FER1L6: variants seen among roughly 807,000 people sequenced by gnomAD.
The protein encoded by FER1L6 is fer-1-like protein 6.
A neutral mutation model predicts 219.2 loss-of-function variants in FER1L6; 177 were observed. The ratio of observed to expected loss-of-function variants is 0.81; its 90% CI spans 0.71 to 0.91. FER1L6 has a LOEUF of 0.91. Ranked by LOEUF, FER1L6 falls within the 40% of genes least tolerant of loss-of-function variation. The probability of loss-of-function intolerance (pLI) is 0.00; values close to 1 mark genes in which losing one functional copy is unlikely to be tolerated. For synonymous variants in FER1L6, 768 were observed against 824.3 expected, an observed-to-expected ratio of 0.93 and a Z score of 1.17; for missense variants, 2,153 against 2,259.9, an observed-to-expected ratio of 0.95 and a Z score of 0.96.
intron 31 of FER1L6, 23 bp from the exon 32 acceptor site, chr8:124,076,175 G>A (rs1821279641): frequency 6.2e-7 from 1 of 1,613,166 alleles, no homozygotes; most frequent in African/African-American, 1.3e-5. Context: ...TTGAACCAAA[G>A]ACATTTTCTT....
intron 1 of FER1L6, among the ~76,000 whole-genome samples, chr8:123,872,372 C>T (rs1036439176): frequency 6.6e-6 from 1 of 152,122 alleles, no homozygotes; most frequent in Non-Finnish European, 1.5e-5. Flanking sequence ...GGAACTTCTA[C>T]AACACACCTG....
At chr8:124,114,757 T>C (rs1823163518) in intron 39 of FER1L6, among the ~76,000 whole-genome samples, 1 of 151,788 alleles carries the variant, frequency 6.6e-6, no homozygotes, top group South Asian at 2.1e-4. Context: ...GTTGTATGCA[T>C]GTATATATTT....
At chr8:123,987,249 T>C (rs1816628169) in intron 12 of FER1L6, among the ~76,000 whole-genome samples, 2 of 152,200 alleles carry the variant, frequency 1.3e-5, no homozygotes, top group South Asian at 4.1e-4. Context: ...GAAGTTTGAT[T>C]TATGTTTCTC....
rs1818548746 is a variant in FER1L6, at chr8:124,023,389, T to C, written c.2134-55T>C. The C allele has an allele frequency of 2.5e-6, 4 of 1,572,182 alleles. No homozygotes were observed. In the Admixed American group the frequency reaches 5.1e-5, roughly 20 times the overall value. ...GAACTCTGCAAGTGCCTTTGTTCAA[T>C]GCCAACCTTTCAAATCCCATTCCTA... On this transcript the variant is annotated intron_variant, in intron 17 of 40. Coordinates refer to ENST00000522917, the MANE Select transcript of FER1L6 (RefSeq NM_001039112.2).
chr8:124,107,809 T>G (rs1432612068), intron 39 of FER1L6, among the ~76,000 whole-genome samples: 6 of 152,154 alleles, frequency 3.9e-5, no homozygotes, highest in Non-Finnish European at 8.8e-5. Context: ...TTTGGTCTCA[T>G]GAGGGAAGAA....
intron 1 of FER1L6, among the ~76,000 whole-genome samples, chr8:123,866,426 A>G (rs111643460): frequency 6.6e-5 from 10 of 152,054 alleles, no homozygotes; most frequent in Admixed American, 5.9e-4. Context: ...TAACTTAGCT[A>G]TTGTGAATAA....
At chr8:123,878,193 G>A (rs981354853) in intron 1 of FER1L6, among the ~76,000 whole-genome samples, 1 of 152,156 alleles carries the variant, frequency 6.6e-6, no homozygotes, top group Non-Finnish European at 1.5e-5. Flanking sequence ...GCAGGCCAGA[G>A]GAGAGGCAGG....
chr8:123,975,333 C>T, intron 8 of FER1L6, 27 bp downstream of exon 8: 1 of 1,572,848 alleles, frequency 6.4e-7, no homozygotes, highest in Non-Finnish European at 8.7e-7. Context: ...CTGGGTTGTG[C>T]ATAGAAATGA....
In FER1L6 at chr8:123,980,838, CT is replaced by C. The variant is rs777414002; in HGVS notation, c.1410+30del. 8 of 1,570,616 alleles carry C rather than the reference CT, an allele frequency of 5.1e-6. No individual in the cohort carries two copies. In the African/African-American group the frequency reaches 9.5e-5, roughly 19 times the overall value. ...TAGGTCTAGGCACTGCATTATGGTACTTTACCTATGAGGTGAACCAGAGCAG... is the reference window on the plus strand; with the variant it reads ...TAGGTCTAGGCACTGCATTATGGTACTTACCTATGAGGTGAACCAGAGCAG... On this transcript the variant is annotated intron_variant, in intron 11 of 40. Transcript: ENST00000522917.
intron 7 of FER1L6, 23 bp from the exon 8 acceptor site, chr8:123,975,127 G>T (rs757743885): frequency 4.0e-5 from 63 of 1,561,486 alleles, no homozygotes; most frequent in Non-Finnish European, 5.5e-5. Context: ...TGAAGGATGT[G>T]AGCTGTCAGG....
intron 39 of FER1L6, among the ~76,000 whole-genome samples, chr8:124,118,525 T>C (rs1215514186): frequency 6.6e-6 from 1 of 152,218 alleles, no homozygotes; most frequent in East Asian, 1.9e-4. Flanking sequence ...GTCCCCTTTC[T>C]AATTACTGTA....
chr8:123,905,780 T>C (rs910361676), intron 1 of FER1L6, among the ~76,000 whole-genome samples: 1 of 152,220 alleles, frequency 6.6e-6, no homozygotes, highest in Non-Finnish European at 1.5e-5. Flanking sequence ...ATTATTTTTT[T>C]CTGAGTTGTA....
Position 123,853,138 on chromosome 8 carries a change from C to T in FER1L6, c.-8+953C>T, listed in dbSNP as rs576967268. On this transcript the variant is annotated intron_variant, in intron 1 of 40. Coordinates refer to ENST00000522917, the MANE Select transcript of FER1L6 (RefSeq NM_001039112.2). This position sits in a 1 kb window ranked among gnomAD's most constrained non-coding sequence, Gnocchi z 6.6. ...GGATTACGTGCGTGAGCCACTGTGC[C>T]CACCCTCAGACTTTAAAATAGACGA... 9.5e-4 allele frequency among the ~76,000 whole-genome samples: 145 copies of T among 152,246 alleles called. No individual in the cohort carries two copies. The highest frequency in any genetic ancestry group is 3.3e-3 in the African/African-American group (137 of 41,552).
At chr8:123,896,093 G>A (rs1372227956) in intron 1 of FER1L6, among the ~76,000 whole-genome samples, 3 of 152,130 alleles carry the variant, frequency 2.0e-5, no homozygotes, top group African/African-American at 7.2e-5. Flanking sequence ...AGTGCTGTCC[G>A]GGGAAGGAGA....
chr8:123,970,186 C>T (rs1199682909), intron 6 of FER1L6, 89 bp downstream of exon 6: 20 of 1,174,948 alleles, frequency 1.7e-5, no homozygotes, highest in East Asian at 7.0e-5. Context: ...GCATACTTAG[C>T]GGGGAATAGA....
At chr8:124,015,093 C>A (rs1410170500) in intron 15 of FER1L6, among the ~76,000 whole-genome samples, 2 of 152,208 alleles carry the variant, frequency 1.3e-5, no homozygotes, top group Non-Finnish European at 2.9e-5. Context: ...CATGACAGAG[C>A]AGCTGGCTTC....
In FER1L6 at chr8:124,091,464, A is replaced by G; in HGVS notation, c.4433A>G (p.Glu1478Gly). 1 of 1,614,118 alleles carries G rather than the reference A, an allele frequency of 6.2e-7. No individual in the cohort carries two copies. Among genetic ancestry groups the G allele is most frequent in the South Asian group, 1.1e-5 (1 of 91,074 alleles). Residue 1478 changes from glutamate to glycine, a missense_variant, in exon 34 of 41, where the codon GAA becomes GGA. Transcript: ENST00000522917. ...TGGAGAGACACGTCCAAACCCACCGAAATCCTCACTAAGCTCTGCAAAGAC... is the reference window on the plus strand; with the variant it reads ...TGGAGAGACACGTCCAAACCCACCGGAATCCTCACTAAGCTCTGCAAAGAC... ...NAWRDTSKPTEILTKLCKDNK... is the reference protein window; with the variant it reads ...NAWRDTSKPTGILTKLCKDNK...
At chr8:124,012,721 C>T (rs1242472988) in intron 14 of FER1L6, among the ~76,000 whole-genome samples, 1 of 152,168 alleles carries the variant, frequency 6.6e-6, no homozygotes, top group East Asian at 1.9e-4. Context: ...ACAATGTTTC[C>T]TATTATAGTG....
intron 39 of FER1L6, among the ~76,000 whole-genome samples, chr8:124,105,103 A>G (rs879943957): frequency 2.0e-5 from 3 of 152,236 alleles, no homozygotes; most frequent in Non-Finnish European, 4.4e-5. Context: ...ATTTCTACTC[A>G]CTATGGTGGC....
Sources: allele counts gnomAD v4.1 joint callset (sites outside exome capture counted in the v4.1 genomes callset), GRCh38; gene constraint gnomAD v4.1.1; non-coding constraint Gnocchi (gnomAD v3.1); transcripts MANE v1.5; gene names NCBI Gene and HGNC (gene_info 2026-07-23, HGNC 2026-07-21).